Variants in OR8D1 observed in about 807,000 individuals in gnomAD.
OR8D1 encodes the protein olfactory receptor family 8 subfamily D member 1.
For synonymous variants in OR8D1, 143 were observed against 147.0 expected (o/e 0.97, Z 0.20); for missense variants, 384 against 366.8 (o/e 1.05, Z -0.38).
Position 124,308,141 on chromosome 11 carries a change from C to T in OR8D1, c.*1699G>A, listed in dbSNP as rs1396529142. The T allele has an allele frequency of 6.6e-6, 1 of 151,972 alleles. No individual in the cohort carries two copies. Among genetic ancestry groups the T allele is most frequent in the African/African-American group, 2.4e-5 (1 of 41,402 alleles). 9.4% of individuals were successfully genotyped at this position (151,972 alleles called of 1,614,324 possible). On this transcript the variant is annotated 3_prime_UTR_variant, in exon 3 of 3. Coordinates refer to ENST00000641015, the MANE Select transcript of OR8D1 (RefSeq NM_001002917.2). ...ATAAAGTGATTTAGAAAGAATGCTTCAGTTTTATAACCCTAACAAGAGCAG... is the reference window on the plus strand; with the variant it reads ...ATAAAGTGATTTAGAAAGAATGCTTTAGTTTTATAACCCTAACAAGAGCAG...
Position 124,310,621 on chromosome 11 carries a change from A to G in OR8D1, c.146T>C (p.Ile49Thr), listed in dbSNP as rs1862413420. 1.2e-6 allele frequency: 2 copies of G among 1,613,834 alleles called. No homozygotes were observed. Among genetic ancestry groups the G allele is most frequent in the Admixed American group, 1.7e-5 (1 of 59,968 alleles). Residue 49 changes from isoleucine (I) to threonine (T), a missense_variant, in exon 3 of 3, where the codon ATT becomes ACT. Transcript: ENST00000641015. Reference sequence around the variant, plus strand: ...GGTGTGAAGTAGAGGGCTGACTGCAATCAGGAGAATCATGCCCAGGTTGCC... The same window carrying G: ...GGTGTGAAGTAGAGGGCTGACTGCAGTCAGGAGAATCATGCCCAGGTTGCC... ...VVGNLGMILL[I>T]AVSPLLHTPM...
Position 124,310,247 on chromosome 11 carries a change from T to C in OR8D1, c.520A>G (p.Ile174Val), listed in dbSNP as rs1862407819. 1 of 1,613,812 alleles carries C rather than the reference T, an allele frequency of 6.2e-7. No individual in the cohort carries two copies. The highest frequency in any genetic ancestry group is 2.2e-5 in the East Asian group (1 of 44,784). Residue 174 changes from isoleucine to valine, a missense_variant, in exon 3 of 3, where the codon ATC becomes GTC. Ile to Val is a conservative substitution (Grantham distance 29). Transcript: ENST00000641015. ...MKLSFCKSHI[I>V]NHYFCDVLPL... ...AGAACATCACAGAAGTAATGGTTGA[T>C]AATGTGGGATTTGCAAAAGGACAGT...
chr11:124,310,026 A>G lies in OR8D1; in HGVS notation c.741T>C (p.Ala247=). ...TAATGGACCCAAAGAAGATCACCACAGCCATGAGATGAGAGCTGCATGTTC... is the reference window on the plus strand; with the variant it reads ...TAATGGACCCAAAGAAGATCACCACGGCCATGAGATGAGAGCTGCATGTTC... ...AFGTCSSHLM[A]VVIFFGSITF... is the part of the protein sequence containing the mutation. The change falls in exon 3 of 3, where the codon GCT becomes GCC. Residue 247 remains alanine, a synonymous_variant. Transcript: ENST00000641015. The G allele has an allele frequency of 6.2e-7, 1 of 1,607,090 alleles. No homozygotes were observed. The highest frequency in any genetic ancestry group is 1.7e-5 in the Admixed American group (1 of 59,160).
rs4936920 is a variant in OR8D1 at position 124,311,653 on chromosome 11, G to A, written c.-98C>T. On this transcript the variant is annotated 5_prime_UTR_variant, in exon 2 of 3. In the 5' UTR this introduces an upstream ATG that the reference lacks. Coordinates refer to ENST00000641015, the MANE Select transcript of OR8D1 (RefSeq NM_001002917.2). Reference sequence around the variant, plus strand: ...GTGTAAATCTTGAACTTTCCAAAGCGTGGTACCCTTGGTGGTTTGGGCCCT... The same window carrying A: ...GTGTAAATCTTGAACTTTCCAAAGCATGGTACCCTTGGTGGTTTGGGCCCT... 46,112 of 152,016 alleles carry A rather than the reference G, an allele frequency of 0.3. 8,456 individuals carry two copies. Among genetic ancestry groups the A allele is most frequent in the East Asian group, 0.44 (2,280 of 5,154 alleles). 9.4% of individuals were successfully genotyped at this position (152,016 alleles called of 1,614,324 possible).
In OR8D1 at chr11:124,310,030, A is replaced by C; in HGVS notation, c.737T>G (p.Met246Arg). ...KAFGTCSSHL[M>R]AVVIFFGSIT... is the part of the protein sequence containing the mutation. ...GGACCCAAAGAAGATCACCACAGCC[A>C]TGAGATGAGAGCTGCATGTTCCAAA... The change falls in exon 3 of 3, where the codon ATG becomes AGG. Residue 246 changes from methionine (M) to arginine (R), a missense_variant. By Grantham distance (91) the Met-to-Arg change is moderately conservative. Transcript: ENST00000641015. The C allele has an allele frequency of 6.2e-7, 1 of 1,609,494 alleles. No individual in the cohort carries two copies.
intron 2 of OR8D1, among the ~76,000 whole-genome samples, chr11:124,311,263 G>A (rs1443107547): frequency 6.6e-6 from 1 of 152,082 alleles, no homozygotes; most frequent in Non-Finnish European, 1.5e-5. Context: ...TGGTGGGCAT[G>A]GGGTTGGGTG....
rs908722005 is a variant in OR8D1, at chr11:124,305,817, T to C, written c.*4023A>G. ...ACCCCTAAAACATTATCCTCATTTA[T>C]TTTATGCTACACACTTCTTTCAATA... On this transcript the variant is annotated 3_prime_UTR_variant, in exon 3 of 3. Transcript: ENST00000641015. 5.9e-5 allele frequency: 9 copies of C among 151,902 alleles called. No homozygotes were observed. The highest frequency in any genetic ancestry group is 1.0e-4 in the Non-Finnish European group (7 of 67,892). 9.4% of individuals were successfully genotyped at this position (151,902 alleles called of 1,614,324 possible).
In OR8D1 at chr11:124,307,974, A is replaced by G. The variant is rs1312330055; in HGVS notation, c.*1866T>C. On this transcript the variant is annotated 3_prime_UTR_variant, in exon 3 of 3. Coordinates refer to ENST00000641015, the MANE Select transcript of OR8D1 (RefSeq NM_001002917.2). ...AAAAATAACGGGGGAAGAGGGTCTT[A>G]GCATAAAAATAATATTGCATCTAAA... is the stretch of plus-strand genomic sequence containing the variant. 6.6e-6 allele frequency: 1 copy of G among 152,162 alleles called. No individual in the cohort carries two copies. Among genetic ancestry groups the G allele is most frequent in the East Asian group, 1.9e-4 (1 of 5,190 alleles). The allele number at this position is 152,162 out of a possible 1,614,324, so 9.4% of individuals were successfully genotyped here.
At position 124,309,156 on chromosome 11, in the gene OR8D1, G is replaced by T. The variant is rs534108015; in HGVS notation, c.*684C>A. 6.6e-6 allele frequency: 1 copy of T among 151,872 alleles called. No individual in the cohort carries two copies. The highest frequency in any genetic ancestry group is 2.4e-5 in the African/African-American group (1 of 41,370). The allele number at this position is 151,872 out of a possible 1,614,324, so 9.4% of individuals were successfully genotyped here. On this transcript the variant is annotated 3_prime_UTR_variant, in exon 3 of 3. Coordinates refer to ENST00000641015, the MANE Select transcript of OR8D1 (RefSeq NM_001002917.2). ...TAGATAGTGAAAACACATGGTCAGA[G>T]GTCCCTTAGTGTAGAACTGTGGTGT...
Position 124,310,560 on chromosome 11 carries a change from G to A in OR8D1, c.207C>T (p.Val69=), listed in dbSNP as rs747498646. ...MYYFLSSLSF[V]DFCYSSVITP... is the part of the protein sequence containing the mutation. ...TAATGACAGAGGAATAGCAGAAATC[G>A]ACGAAGGACAAGCTGCTGAGGAAAT... The change falls in exon 3 of 3, where the codon GTC becomes GTT. Residue 69 remains valine (V), a synonymous_variant. Transcript: ENST00000641015. The A allele has an allele frequency of 8.1e-6, 13 of 1,613,764 alleles. No homozygotes were observed. The highest frequency in any genetic ancestry group is 3.3e-5 in the Admixed American group (2 of 59,978).
Position 124,310,656 on chromosome 11 carries a change from G to A in OR8D1, c.111C>T (p.Val37=). Residue 37 remains valine, a synonymous_variant, in exon 3 of 3, where the codon GTC becomes GTT. Transcript: ENST00000641015. ...LFLLFLGIYV[V]TVVGNLGMIL... ...TCATGCCCAGGTTGCCCACTACTGT[G>A]ACCACATAGATTCCCAGGAACAGGA... 6.2e-7 allele frequency: 1 copy of A among 1,613,958 alleles called. No individual in the cohort carries two copies. The highest frequency in any genetic ancestry group is 8.5e-7 in the Non-Finnish European group (1 of 1,179,886).
chr11:124,304,670 G>A lies in OR8D1; in HGVS notation c.*5170C>T, dbSNP rs1248843070. On this transcript the variant is annotated 3_prime_UTR_variant, in exon 3 of 3. Transcript: ENST00000641015. Reference sequence around the variant, plus strand: ...TCATGGTTTTAATTTGAATTTTCCTGATGACTATTAATATTGAAATGGCCT... The same window carrying A: ...TCATGGTTTTAATTTGAATTTTCCTAATGACTATTAATATTGAAATGGCCT... 4.6e-5 allele frequency: 7 copies of A among 151,870 alleles called. No homozygotes were observed. The highest frequency in any genetic ancestry group is 1.2e-4 in the African/African-American group (5 of 41,482). 9.4% of individuals were successfully genotyped at this position (151,870 alleles called of 1,614,324 possible). A position where few individuals can be genotyped will look rare whatever the true frequency, so the allele number is the denominator to read the frequency against.
At chr11:124,313,173 C>T (rs994616786) in intron 1 of OR8D1, among the ~76,000 whole-genome samples, 11 of 127,540 alleles carry the variant, frequency 8.6e-5, no homozygotes, top group South Asian at 2.4e-4. Context: ...GACTCCATCT[C>T]GAAAGGAAAG....
chr11:124,307,811 A>T lies in OR8D1; in HGVS notation c.*2029T>A, dbSNP rs1862380187. On this transcript the variant is annotated 3_prime_UTR_variant, in exon 3 of 3. Coordinates refer to ENST00000641015, the MANE Select transcript of OR8D1 (RefSeq NM_001002917.2). ...ATGCTTGAGGGTTAACTCTCACCAA[A>T]TGGTCTCAAGCTCTCCCTGGATTTG... is the stretch of plus-strand genomic sequence containing the variant. 2.6e-5 allele frequency: 4 copies of T among 152,080 alleles called. No homozygotes were observed. Among genetic ancestry groups the T allele is most frequent in the Admixed American group, 2.6e-4 (4 of 15,232 alleles). 9.4% of individuals were successfully genotyped at this position (152,080 alleles called of 1,614,324 possible). A position where few individuals can be genotyped will look rare whatever the true frequency, so the allele number is the denominator to read the frequency against.
Position 124,309,930 on chromosome 11 carries a change from G to A in OR8D1, c.837C>T (p.Thr279=), listed in dbSNP as rs150835171. The A allele has an allele frequency of 4.2e-5, 64 of 1,535,484 alleles. No individual in the cohort carries two copies. The highest frequency in any genetic ancestry group is 3.5e-4 in the Middle Eastern group (2 of 5,672). Residue 279 remains threonine, a synonymous_variant, in exon 3 of 3, where the codon ACC becomes ACT. Coordinates refer to ENST00000641015, the MANE Select transcript of OR8D1 (RefSeq NM_001002917.2). ...AAGGGTTCAGCATGGGGATCACCGT[G>A]GTGTAGAACACAGAGGACACCTTCT... ...DQEKVSSVFY[T]TVIPMLNPLI...
chr11:124,312,783 G>A (rs1473476404), intron 1 of OR8D1, among the ~76,000 whole-genome samples: 2 of 151,760 alleles, frequency 1.3e-5, no homozygotes, highest in African/African-American at 4.8e-5. Context: ...CTCCCAAAGT[G>A]CTGGGAGAAC....
intron 2 of OR8D1, among the ~76,000 whole-genome samples, chr11:124,311,119 A>G (rs1306133456): frequency 6.6e-6 from 1 of 152,150 alleles, no homozygotes; most frequent in Non-Finnish European, 1.5e-5. Context: ...GGAAGATTCA[A>G]TCACTTTTTC....
intron 1 of OR8D1, among the ~76,000 whole-genome samples, chr11:124,313,246 G>A (rs1422808880): frequency 1.4e-5 from 2 of 147,654 alleles, no homozygotes; most frequent in Non-Finnish European, 3.0e-5. Context: ...AGGAGGGAGG[G>A]AGGGAAGGAA....
rs1352525207 is a variant in OR8D1 at position 124,304,552 on chromosome 11, T to G, written c.*5288A>C. 6.6e-6 allele frequency: 1 copy of G among 151,986 alleles called. No individual in the cohort carries two copies. Among genetic ancestry groups the G allele is most frequent in the African/African-American group, 2.4e-5 (1 of 41,430 alleles). The allele number at this position is 151,986 out of a possible 1,614,324, so 9.4% of individuals were successfully genotyped here. On this transcript the variant is annotated 3_prime_UTR_variant, in exon 3 of 3. Transcript: ENST00000641015. ...CATTTTACACTACAACATGTAAAAT[T>G]TGAGAGATGCCATTTCTCTGAATCC...
Sources: gnomAD v4.1 joint callset for allele counts (sites outside exome capture counted in the v4.1 genomes callset) on GRCh38, gnomAD v4.1.1 for gene constraint, MANE v1.5 for transcripts, NCBI Gene and HGNC (gene_info 2026-07-23, HGNC 2026-07-21) for gene names.